The following CACNA2D3 variants were observed in gnomAD, a reference collection of about 807,000 sequenced individuals.
CACNA2D3 encodes voltage-dependent calcium channel subunit alpha-2/delta-3.
In CACNA2D3, 60 loss-of-function variants were observed where a neutral mutation model predicts 160.6. The observed-to-expected ratio is 0.37, with a 90% confidence interval of 0.30 to 0.46. CACNA2D3 has a LOEUF of 0.46. CACNA2D3 is among the 20% of genes least tolerant of loss of function. The probability of loss-of-function intolerance (pLI) is 1.00; values close to 1 mark genes in which losing one functional copy is unlikely to be tolerated. For missense variants in CACNA2D3, 1,205 were observed against 1,365.0 expected, an observed-to-expected ratio of 0.88 and a Z score of 1.85; for synonymous variants, 558 against 492.9, an observed-to-expected ratio of 1.13 and a Z score of -1.75.
At chr3:54,489,632 G>A (rs552576364) in intron 4 of CACNA2D3, among the ~76,000 whole-genome samples, 95 of 152,324 alleles carry the variant, frequency 6.2e-4, no homozygotes, top group Middle Eastern at 3.4e-3. Context: ...GAGCAGAGCT[G>A]GGGTTGGAAC....
At chr3:54,211,355 A>C (rs1701367643) in intron 2 of CACNA2D3, among the ~76,000 whole-genome samples, 1 of 152,180 alleles carries the variant, frequency 6.6e-6, no homozygotes, top group South Asian at 2.1e-4. Flanking sequence ...GGTCCCTTTG[A>C]GAGACTTGTC....
chr3:54,553,744 G>T (rs1245704466), intron 5 of CACNA2D3, among the ~76,000 whole-genome samples: 2 of 152,058 alleles, frequency 1.3e-5, no homozygotes, highest in Non-Finnish European at 2.9e-5. Context: ...AATGGTATTG[G>T]GGAAAAAAAT....
intron 4 of CACNA2D3, among the ~76,000 whole-genome samples, chr3:54,451,696 A>G (rs1487746871): frequency 2.0e-5 from 3 of 152,124 alleles, no homozygotes; most frequent in Admixed American, 1.3e-4. Context: ...TTTCTTTTTG[A>G]TTAACAATTC....
intron 11 of CACNA2D3, among the ~76,000 whole-genome samples, chr3:54,683,939 T>A (rs1700401077): frequency 2.0e-5 from 3 of 150,412 alleles, no homozygotes; most frequent in Non-Finnish European, 3.0e-5. Context: ...TCTTCCTCTG[T>A]GTGTCTGTGC....
chr3:54,280,236 C>T (rs1174401394), intron 2 of CACNA2D3, among the ~76,000 whole-genome samples: 7 of 152,030 alleles, frequency 4.6e-5, no homozygotes, highest in South Asian at 2.1e-4. Context: ...TGCTCGCCAC[C>T]ACGCCCAGCT....
intron 15 of CACNA2D3, among the ~76,000 whole-genome samples, chr3:54,837,986 TA>T (rs1165783634): frequency 5.9e-5 from 9 of 152,232 alleles, no homozygotes; most frequent in South Asian, 2.1e-4. Flanking sequence ...CATAAAGCCT[TA>T]AAAAAATGGC....
At position 54,364,745 on chromosome 3, in the gene CACNA2D3, A is replaced by T. The variant is rs1436890894; in HGVS notation, c.322-21970A>T. On this transcript the variant is annotated intron_variant, in intron 3 of 37. Transcript: ENST00000474759. ...TTACAATATAGACCATAACTCACAG[A>T]CTGTACTTGTTCCAAACTAAATATA... 2.6e-5 allele frequency among the ~76,000 whole-genome samples: 4 copies of T among 152,354 alleles called. No homozygotes were observed. In the East Asian group the frequency reaches 7.7e-4, roughly 29 times the overall value.
At chr3:54,437,235 G>A (rs570120194) in intron 4 of CACNA2D3, among the ~76,000 whole-genome samples, 34 of 152,190 alleles carry the variant, frequency 2.2e-4, no homozygotes, top group African/African-American at 7.7e-4. Context: ...TCAATGAGCC[G>A]TCGTAACGAC....
rs115788963 is a variant in CACNA2D3 at position 54,219,171 on chromosome 3, C to G, written c.204+95577C>G. Among the ~76,000 whole-genome samples, 58 of 152,310 alleles carry G rather than the reference C, an allele frequency of 3.8e-4. No homozygotes were observed. In the East Asian group the frequency reaches 8.5e-3, roughly 22 times the overall value. On this transcript the variant is annotated intron_variant, in intron 2 of 37. Transcript: ENST00000474759. ...ACTTCAATGCATGCTGGAGCTGCCT[C>G]GTACCAGCTCTCAAGAGCTGATTGT...
At chr3:54,438,478 A>G (rs1700092602) in intron 4 of CACNA2D3, among the ~76,000 whole-genome samples, 1 of 152,202 alleles carries the variant, frequency 6.6e-6, no homozygotes, top group Non-Finnish European at 1.5e-5. Flanking sequence ...ATGACCTTTC[A>G]TGGCAGATTT....
At chr3:54,591,958 C>T (rs953891440) in intron 9 of CACNA2D3, among the ~76,000 whole-genome samples, 2 of 152,062 alleles carry the variant, frequency 1.3e-5, no homozygotes, top group Admixed American at 6.5e-5. Context: ...TTATGACAGC[C>T]AAATACCCAA....
intron 5 of CACNA2D3, among the ~76,000 whole-genome samples, chr3:54,541,089 A>AAC (rs1701967158): frequency 6.6e-6 from 1 of 152,014 alleles, no homozygotes; most frequent in Non-Finnish European, 1.5e-5. Flanking sequence ...CATCCTGGCT[A>AAC]ACATGGTGAA....
chr3:54,539,624 A>T (rs777881428), intron 5 of CACNA2D3, among the ~76,000 whole-genome samples: 1 of 152,200 alleles, frequency 6.6e-6, no homozygotes, highest in Admixed American at 6.5e-5. Context: ...CACACACATG[A>T]CAGTGCTCAC....
chr3:54,466,709 C>T (rs557665664), intron 4 of CACNA2D3, among the ~76,000 whole-genome samples: 4 of 152,072 alleles, frequency 2.6e-5, no homozygotes, highest in Non-Finnish European at 4.4e-5. Context: ...AAAAAGTGAC[C>T]AATCTCATTA....
At chr3:54,743,762 T>A (rs1380526053) in intron 11 of CACNA2D3, among the ~76,000 whole-genome samples, 1 of 152,186 alleles carries the variant, frequency 6.6e-6, no homozygotes, top group Non-Finnish European at 1.5e-5. Flanking sequence ...ACTTGATCTC[T>A]CAGTGTTTTG....
At chr3:54,786,180 G>A (rs556528149) in intron 13 of CACNA2D3, among the ~76,000 whole-genome samples, 29 of 152,234 alleles carry the variant, frequency 1.9e-4, no homozygotes, top group African/African-American at 3.6e-4. Flanking sequence ...TTATTATTAC[G>A]TATTGCTTGG....
intron 4 of CACNA2D3, among the ~76,000 whole-genome samples, chr3:54,473,854 G>C (rs982738772): frequency 6.6e-6 from 1 of 152,058 alleles, no homozygotes; most frequent in Admixed American, 6.5e-5. Flanking sequence ...ACCCCATGAC[G>C]ATGGTGCCAT....
At chr3:54,325,730 G>A (rs1704109033) in intron 3 of CACNA2D3, among the ~76,000 whole-genome samples, 1 of 152,128 alleles carries the variant, frequency 6.6e-6, no homozygotes, top group Non-Finnish European at 1.5e-5. Flanking sequence ...ACTCTTTTGG[G>A]GAATGTGAAG....
intron 20 of CACNA2D3, 103 bp from the exon 21 acceptor site, chr3:54,880,693 A>T: frequency 6.9e-6 from 7 of 1,019,532 alleles, no homozygotes; most frequent in Non-Finnish European, 1.1e-5. Context: ...TTGACAGATC[A>T]TAAAATGGAA....
Sources: gnomAD v4.1 joint callset for allele counts (sites outside exome capture counted in the v4.1 genomes callset) on GRCh38, gnomAD v4.1.1 for gene constraint, MANE v1.5 for transcripts, NCBI Gene and HGNC (gene_info 2026-07-23, HGNC 2026-07-21) for gene names.